The following PSMA8 variants were observed in gnomAD, a reference collection of about 807,000 sequenced individuals.
PSMA8 encodes the protein proteasome subunit alpha-type 8.
Under a neutral mutation model 32.4 loss-of-function variants are expected in PSMA8, and 18 were observed. The ratio of observed to expected loss-of-function variants is 0.56; its 90% CI spans 0.38 to 0.82. PSMA8 has a LOEUF of 0.82. PSMA8 is among the 40% of genes least tolerant of loss of function. The pLI is 0.00. For synonymous variants in PSMA8, 104 were observed against 98.1 expected, an observed-to-expected ratio of 1.06 and a Z score of -0.36; for missense variants, 298 against 300.7, an observed-to-expected ratio of 0.99 and a Z score of 0.07.
At chr18:26,167,128 CAA>C (rs2055186715) in intron 4 of PSMA8, among the ~76,000 whole-genome samples, 1 of 151,986 alleles carries the variant, frequency 6.6e-6, no homozygotes, top group Non-Finnish European at 1.5e-5. Flanking sequence ...TATAAAAAGC[CAA>C]GAGACTAATA....
intron 2 of PSMA8, among the ~76,000 whole-genome samples, chr18:26,150,826 T>A (rs1245264901): frequency 6.6e-6 from 1 of 152,162 alleles, no homozygotes; most frequent in Non-Finnish European, 1.5e-5. Context: ...GGGAAATACA[T>A]ACTTTGTTTG....
intron 2 of PSMA8, 68 bp from the exon 3 acceptor site, chr18:26,151,790 G>C (rs1241288579): frequency 8.2e-6 from 12 of 1,455,292 alleles, no homozygotes; most frequent in Middle Eastern, 1.8e-4. Flanking sequence ...AAACCCATTT[G>C]ACAAGGAAAA....
At chr18:26,177,832 TCC>T (rs201822646) in intron 4 of PSMA8, among the ~76,000 whole-genome samples, 1 of 152,118 alleles carries the variant, frequency 6.6e-6, no homozygotes, top group African/African-American at 2.4e-5. Context: ...GTCATTTTTT[TCC>T]CCTCTCTTTG....
chr18:26,190,179 G>A (rs188911268), intron 6 of PSMA8, among the ~76,000 whole-genome samples: 8 of 152,226 alleles, frequency 5.3e-5, no homozygotes, highest in Admixed American at 2.6e-4. Flanking sequence ...GGTGGGGATG[G>A]TTAATAGGTA....
intron 6 of PSMA8, among the ~76,000 whole-genome samples, chr18:26,182,937 C>T (rs1338534593): frequency 6.6e-6 from 1 of 151,890 alleles, no homozygotes; most frequent in Admixed American, 6.6e-5. Context: ...ACCACAAATA[C>T]AAAAATTAGC....
At chr18:26,150,449 C>T (rs1280979881) in intron 2 of PSMA8, among the ~76,000 whole-genome samples, 2 of 152,060 alleles carry the variant, frequency 1.3e-5, no homozygotes, top group Non-Finnish European at 1.5e-5. Flanking sequence ...GCAATCCCCC[C>T]GCCGCAGCCT....
At chr18:26,191,199 C>A (rs2055399573) in intron 6 of PSMA8, among the ~76,000 whole-genome samples, 1 of 152,160 alleles carries the variant, frequency 6.6e-6, no homozygotes, top group Admixed American at 6.5e-5. Flanking sequence ...TCCTTTACAT[C>A]TCTAATATCT....
intron 1 of PSMA8, among the ~76,000 whole-genome samples, chr18:26,138,688 C>A (rs547484698): frequency 6.6e-6 from 1 of 152,238 alleles, no homozygotes; most frequent in Admixed American, 6.5e-5. Flanking sequence ...ACAGGGAGAC[C>A]AGTTAGTATT....
chr18:26,179,276 G>T, intron 6 of PSMA8, 146 bp downstream of exon 6: 2 of 532,064 alleles, frequency 3.8e-6, no homozygotes, highest in South Asian at 7.3e-5. Flanking sequence ...CCGTCTACCG[G>T]TTTTTTGTTT....
chr18:26,170,533 G>A (rs2055212339), intron 4 of PSMA8, among the ~76,000 whole-genome samples: 1 of 130,366 alleles, frequency 7.7e-6, no homozygotes, highest in Non-Finnish European at 1.5e-5. Context: ...TGGGGTCTTG[G>A]AGAAGCACTT....
At chr18:26,181,365 A>C (rs571168033) in intron 6 of PSMA8, among the ~76,000 whole-genome samples, 91 of 152,218 alleles carry the variant, frequency 6.0e-4, no homozygotes, top group Non-Finnish European at 1.9e-4. Flanking sequence ...TGCTCCACTG[A>C]CCAGCTATTT....
At chr18:26,138,154 G>A (rs2054927588) in intron 1 of PSMA8, among the ~76,000 whole-genome samples, 2 of 152,310 alleles carry the variant, frequency 1.3e-5, no homozygotes, top group East Asian at 3.9e-4. Flanking sequence ...TGTGGCTACT[G>A]TCAGTCTCCA....
rs2055418560 is a variant in PSMA8, at chr18:26,193,292, A to G, written c.*881A>G. ...AAGGATTTAATCCAAATGGTCCACAAGAGGAATGTGCTTAATTCCTACAGT... is the reference window on the plus strand; with the variant it reads ...AAGGATTTAATCCAAATGGTCCACAGGAGGAATGTGCTTAATTCCTACAGT... On this transcript the variant is annotated 3_prime_UTR_variant, in exon 7 of 7. Transcript: ENST00000415576. 1 of 152,242 alleles carries G rather than the reference A, an allele frequency of 6.6e-6. No homozygotes were observed. Among genetic ancestry groups the G allele is most frequent in the Non-Finnish European group, 1.5e-5 (1 of 68,042 alleles). 9.4% of individuals were successfully genotyped at this position (152,242 alleles called of 1,614,324 possible).
Position 26,155,466 on chromosome 18 carries a change from C to T in PSMA8, c.355-2656C>T, listed in dbSNP as rs548387172. On this transcript the variant is annotated intron_variant, in intron 3 of 6. Coordinates refer to ENST00000415576, the MANE Select transcript of PSMA8 (RefSeq NM_001025096.2). ...TTTTGTAAAAAGCAGACACATAGGC[C>T]GATGGAACAGAATAGAGAACCCAGA... Among the ~76,000 whole-genome samples the T allele has an allele frequency of 5.3e-5, 8 of 152,154 alleles. No homozygotes were observed. The South Asian group carries it at 1.7e-3, about 32-fold the overall frequency.
chr18:26,158,378 G>T (rs758300708), intron 4 of PSMA8, 134 bp downstream of exon 4: 7 of 715,506 alleles, frequency 9.8e-6, no homozygotes, highest in Non-Finnish European at 1.1e-5. Flanking sequence ...TATTCAGCTC[G>T]TCAGAAACTA....
In PSMA8 at chr18:26,144,875, A is replaced by G. The variant is rs1186937662; in HGVS notation, c.229+190A>G. ...TTTGATAAAGTACAAATGTTAAAAGATATATATTACTTTACTTCAAAATTT... is the reference window on the plus strand; with the variant it reads ...TTTGATAAAGTACAAATGTTAAAAGGTATATATTACTTTACTTCAAAATTT... On this transcript the variant is annotated intron_variant, in intron 2 of 6. Coordinates refer to ENST00000415576, the MANE Select transcript of PSMA8 (RefSeq NM_001025096.2). Among the ~76,000 whole-genome samples the G allele has an allele frequency of 3.9e-5, 6 of 152,214 alleles. No individual in the cohort carries two copies. The East Asian group carries it at 1.2e-3, about 29-fold the overall frequency.
chr18:26,165,577 C>G (rs921175744), intron 4 of PSMA8, among the ~76,000 whole-genome samples: 3 of 152,030 alleles, frequency 2.0e-5, no homozygotes, highest in Admixed American at 1.3e-4. Context: ...ATTTTCCCCC[C>G]CCAAGATTGG....
At chr18:26,172,906 GCTT>G (rs1304546861) in intron 4 of PSMA8, among the ~76,000 whole-genome samples, 4 of 152,268 alleles carry the variant, frequency 2.6e-5, no homozygotes, top group East Asian at 3.9e-4. Context: ...CAGTGAACAA[GCTT>G]CTTCTTTTTC....
chr18:26,161,886 G>T (rs1040319816), intron 4 of PSMA8, among the ~76,000 whole-genome samples: 1 of 152,086 alleles, frequency 6.6e-6, no homozygotes, highest in Non-Finnish European at 1.5e-5. Flanking sequence ...TGGCAGAAAA[G>T]TCCAACAAAC....
Sources: allele counts gnomAD v4.1 joint callset (sites outside exome capture counted in the v4.1 genomes callset), GRCh38; gene constraint gnomAD v4.1.1; transcripts MANE v1.5; gene names NCBI Gene and HGNC (gene_info 2026-07-23, HGNC 2026-07-21).